TMEM132D: variants seen among roughly 807,000 people sequenced by gnomAD.
TMEM132D encodes the protein mature OL transmembrane protein.
TMEM132D carries 21 observed loss-of-function variants against 62.3 expected under a neutral mutation model. That is an observed-to-expected ratio of 0.34 (90% confidence interval 0.24 to 0.49). TMEM132D has a LOEUF of 0.49. Ranked by LOEUF, TMEM132D falls within the 20% of genes least tolerant of loss-of-function variation. The probability of loss-of-function intolerance (pLI) is 0.99; values close to 1 mark genes in which losing one functional copy is unlikely to be tolerated. For synonymous variants in TMEM132D, 621 were observed against 575.6 expected, an observed-to-expected ratio of 1.08 and a Z score of -1.13; for missense variants, 1,346 against 1,402.8, an observed-to-expected ratio of 0.96 and a Z score of 0.65.
At position 129,792,296 on chromosome 12, in the gene TMEM132D, C is replaced by T. The variant is rs78821256; in HGVS notation, c.80-91598G>A. Among the ~76,000 whole-genome samples the T allele has an allele frequency of 5.1e-3, 783 of 152,274 alleles. 7 individuals are homozygous for T. Among genetic ancestry groups the T allele is most frequent in the African/African-American group, 0.018 (755 of 41,558 alleles). ...TTCATGTCAAACACCAACTACACCT[C>T]TCACCATTGATATCATCCTGAATAG... On this transcript the variant is annotated intron_variant, in intron 1 of 8. Transcript: ENST00000422113.
intron 5 of TMEM132D, among the ~76,000 whole-genome samples, chr12:129,121,273 T>G (rs1030717031): frequency 3.9e-5 from 6 of 152,090 alleles, no homozygotes; most frequent in Non-Finnish European, 7.4e-5. Context: ...TTTTTGTATT[T>G]TTAGTAGAGA....
intron 3 of TMEM132D, among the ~76,000 whole-genome samples, chr12:129,527,788 C>T (rs1216522494): frequency 6.6e-6 from 1 of 152,226 alleles, no homozygotes; most frequent in South Asian, 2.1e-4. Context: ...GCAGGCAACG[C>T]TTAATCAAAA....
intron 3 of TMEM132D, among the ~76,000 whole-genome samples, chr12:129,350,136 G>A (rs776025346): frequency 1.3e-5 from 2 of 152,148 alleles, no homozygotes; most frequent in African/African-American, 2.4e-5. Flanking sequence ...TTAACTACAG[G>A]CCTCCTAATA....
chr12:129,350,809 C>T (rs900838941), intron 3 of TMEM132D, among the ~76,000 whole-genome samples: 7 of 152,206 alleles, frequency 4.6e-5, no homozygotes, highest in African/African-American at 1.2e-4. Context: ...CATAGCCACA[C>T]GGGCCTTAGC....
chr12:129,351,249 C>A (rs1394152473), intron 3 of TMEM132D, among the ~76,000 whole-genome samples: 1 of 152,158 alleles, frequency 6.6e-6, no homozygotes, highest in Non-Finnish European at 1.5e-5. Context: ...AAATTGGACT[C>A]TCTCCCATCT....
chr12:129,507,360 A>T (rs1209950438), intron 3 of TMEM132D, among the ~76,000 whole-genome samples: 1 of 152,180 alleles, frequency 6.6e-6, no homozygotes, highest in Admixed American at 6.5e-5. Flanking sequence ...CCACTACTGG[A>T]TATCTATCCA....
intron 3 of TMEM132D, among the ~76,000 whole-genome samples, chr12:129,456,188 T>C (rs1170441767): frequency 6.6e-6 from 1 of 152,202 alleles, no homozygotes; most frequent in Non-Finnish European, 1.5e-5. Flanking sequence ...TCCCCACTAA[T>C]GCCATTTCTG....
intron 5 of TMEM132D, among the ~76,000 whole-genome samples, chr12:129,149,087 T>C (rs1434593585): frequency 6.6e-6 from 1 of 151,972 alleles, no homozygotes; most frequent in Non-Finnish European, 1.5e-5. Flanking sequence ...GGGACATAGA[T>C]GAAGCTGGAA....
chr12:129,116,723 C>G (rs1328609787), intron 5 of TMEM132D, among the ~76,000 whole-genome samples: 1 of 151,908 alleles, frequency 6.6e-6, no homozygotes, highest in Admixed American at 6.5e-5. Flanking sequence ...CAGCTACAAT[C>G]CAAAATACTG....
At chr12:129,129,304 C>A (rs1031554344) in intron 5 of TMEM132D, among the ~76,000 whole-genome samples, 2 of 152,192 alleles carry the variant, frequency 1.3e-5, no homozygotes, top group Admixed American at 1.3e-4. Flanking sequence ...ATCCACATTG[C>A]TGCAAAGGAC....
chr12:129,146,164 A>G (rs1480936591), intron 5 of TMEM132D, among the ~76,000 whole-genome samples: 2 of 151,914 alleles, frequency 1.3e-5, no homozygotes, highest in Admixed American at 6.6e-5. Context: ...AACTGCAGTC[A>G]TCGTACTGAA....
chr12:129,197,363 G>A (rs1008223822), intron 5 of TMEM132D, among the ~76,000 whole-genome samples: 121 of 152,214 alleles, frequency 7.9e-4, no homozygotes, highest in African/African-American at 2.7e-3. Flanking sequence ...GCTGGAAATG[G>A]GTACCACGTA....
chr12:129,080,463 G>A (rs191652031), intron 7 of TMEM132D, among the ~76,000 whole-genome samples: 12 of 152,226 alleles, frequency 7.9e-5, no homozygotes, highest in Admixed American at 2.0e-4. Flanking sequence ...CCTGGTCTAC[G>A]GCCCAAACCC....
intron 1 of TMEM132D, among the ~76,000 whole-genome samples, chr12:129,824,548 G>A (rs981518069): frequency 2.0e-5 from 3 of 152,084 alleles, no homozygotes; most frequent in African/African-American, 7.2e-5. Context: ...CAACGGTGGG[G>A]GCCCCCGGGA....
intron 5 of TMEM132D, 62 bp from the exon 6 acceptor site, chr12:129,084,764 C>T (rs2135620286): frequency 6.5e-7 from 1 of 1,536,986 alleles, no homozygotes; most frequent in Non-Finnish European, 8.9e-7. Flanking sequence ...TTGCATGGCC[C>T]AAGGAGGAGG....
chr12:129,154,443 G>A (rs1336377786), intron 5 of TMEM132D, among the ~76,000 whole-genome samples: 1 of 152,202 alleles, frequency 6.6e-6, no homozygotes, highest in South Asian at 2.1e-4. Context: ...CACCCATTGC[G>A]ATACAAGGCT....
chr12:129,788,924 G>T (rs1447388852), intron 1 of TMEM132D, among the ~76,000 whole-genome samples: 1 of 152,166 alleles, frequency 6.6e-6, no homozygotes, highest in African/African-American at 2.4e-5. Context: ...ATGAGGCAGG[G>T]ATGCCGTGAG....
chr12:129,431,233 A>T (rs1024561728), intron 3 of TMEM132D, among the ~76,000 whole-genome samples: 2 of 152,184 alleles, frequency 1.3e-5, no homozygotes, highest in Non-Finnish European at 2.9e-5. Context: ...AGCTTCAGTA[A>T]CTTACTCGAC....
intron 4 of TMEM132D, among the ~76,000 whole-genome samples, chr12:129,223,450 G>A (rs1365885112): frequency 6.6e-6 from 1 of 152,148 alleles, no homozygotes; most frequent in African/African-American, 2.4e-5. Flanking sequence ...CACAGCAGAT[G>A]TGTAAATGCA....
Sources: gnomAD v4.1 joint callset for allele counts (sites outside exome capture counted in the v4.1 genomes callset) on GRCh38, gnomAD v4.1.1 for gene constraint, MANE v1.5 for transcripts, NCBI Gene and HGNC (gene_info 2026-07-23, HGNC 2026-07-21) for gene names.